Variants in LRP1B observed in about 807,000 individuals in gnomAD.
The protein encoded by LRP1B is LDL receptor related protein 1B, also known as low-density lipoprotein receptor-related protein 1B.
LRP1B carries 217 observed loss-of-function variants against 556.6 expected under a neutral mutation model. The ratio of observed to expected loss-of-function variants is 0.39; its 90% CI spans 0.35 to 0.44. The LOEUF (loss-of-function observed/expected upper bound fraction) is 0.44. Among genes scored for constraint, LRP1B ranks in the 20% least tolerant of loss-of-function variants. The pLI is 1.00. For synonymous variants in LRP1B, 2,047 were observed against 1,865.8 expected (o/e 1.10, Z -2.50); for missense variants, 5,053 against 5,620.8 (o/e 0.90, Z 3.23).
intron 3 of LRP1B, among the ~76,000 whole-genome samples, chr2:141,423,308 T>G (rs34083958): frequency 0.2 from 29,155 of 142,570 alleles, 3,916 homozygotes; most frequent in East Asian, 0.46. Context: ...TTTTTTTTTT[T>G]TTTTTTTTAA....
chr2:141,952,326 C>A (rs1410646400), intron 1 of LRP1B, among the ~76,000 whole-genome samples: 1 of 152,054 alleles, frequency 6.6e-6, no homozygotes, highest in Non-Finnish European at 1.5e-5. Context: ...GTGCATGTGT[C>A]TTTATAGCAG....
chr2:141,825,899 C>T (rs1296254931), intron 1 of LRP1B, among the ~76,000 whole-genome samples: 1 of 152,060 alleles, frequency 6.6e-6, no homozygotes, highest in Non-Finnish European at 1.5e-5. Context: ...ACATATTTTC[C>T]CACATTATAC....
intron 35 of LRP1B, among the ~76,000 whole-genome samples, chr2:140,722,034 C>G (rs186085898): frequency 2.0e-5 from 3 of 152,114 alleles, no homozygotes; most frequent in Non-Finnish European, 2.9e-5. Flanking sequence ...AGTATCTCTT[C>G]TCTTCCCCTG....
chr2:141,805,307 A>C (rs184490880), intron 2 of LRP1B: 69 of 152,256 alleles, frequency 4.5e-4, no homozygotes, highest in African/African-American at 1.6e-3. Context: ...TGTCATTCTG[A>C]ATCTGTCATA....
In LRP1B at chr2:141,876,965, C is replaced by A. The variant is rs148946271; in HGVS notation, c.83-66564G>T. ...TATGCCATTAGATATTTAAACTTTT[C>A]TTTTTGCAGTTATATGAATTACAAA... is the stretch of plus-strand genomic sequence containing the variant. On this transcript the variant is annotated intron_variant, in intron 1 of 90. Coordinates refer to ENST00000389484, the MANE Select transcript of LRP1B (RefSeq NM_018557.3). 2.3e-3 allele frequency among the ~76,000 whole-genome samples: 353 copies of A among 151,974 alleles called. 2 individuals carry two copies. Among genetic ancestry groups the A allele is most frequent in the African/African-American group, 7.8e-3 (324 of 41,486 alleles).
At position 141,276,294 on chromosome 2, in the gene LRP1B, CT is replaced by C. The variant is rs58497853; in HGVS notation, c.344-21654del. Among the ~76,000 whole-genome samples, 246 of 149,478 alleles carry C rather than the reference CT, an allele frequency of 1.6e-3. 1 individual carries two copies. The highest frequency in any genetic ancestry group is 5.4e-3 in the African/African-American group (219 of 40,738). On this transcript the variant is annotated intron_variant, in intron 3 of 90. Transcript: ENST00000389484. ...TTATTCTTTGGCTTGATAATTTTTA[CT>C]TTTTTTTTTAGCTTTTAGTTTTAGG...
At chr2:141,603,333 T>C (rs554503466) in intron 2 of LRP1B, among the ~76,000 whole-genome samples, 16 of 152,308 alleles carry the variant, frequency 1.1e-4, no homozygotes, top group African/African-American at 3.8e-4. Flanking sequence ...TGAATATGTA[T>C]GTGTGTATGC....
chr2:141,040,680 C>T (rs1477632751), intron 11 of LRP1B, among the ~76,000 whole-genome samples: 1 of 151,784 alleles, frequency 6.6e-6, no homozygotes, highest in African/African-American at 2.4e-5. Flanking sequence ...TCTAAGTAAT[C>T]GAATGATAAA....
intron 43 of LRP1B, among the ~76,000 whole-genome samples, chr2:140,563,397 T>G (rs538432255): frequency 1.4e-5 from 2 of 142,964 alleles, no homozygotes; most frequent in East Asian, 4.2e-4. Flanking sequence ...AAATGCTTTT[T>G]CTTTTACTTG....
chr2:141,090,110 T>C (rs1248658927), intron 7 of LRP1B, among the ~76,000 whole-genome samples: 3 of 152,190 alleles, frequency 2.0e-5, no homozygotes, highest in African/African-American at 7.2e-5. Context: ...ATACTTGATT[T>C]GTAATGTTGG....
chr2:141,932,679 A>T (rs184810985), intron 1 of LRP1B, among the ~76,000 whole-genome samples: 3 of 152,186 alleles, frequency 2.0e-5, no homozygotes, highest in East Asian at 3.9e-4. Context: ...TTTGATATAG[A>T]TTTTTAATTC....
chr2:141,302,717 C>A (rs991150174), intron 3 of LRP1B, among the ~76,000 whole-genome samples: 2 of 151,978 alleles, frequency 1.3e-5, no homozygotes, highest in Non-Finnish European at 2.9e-5. Context: ...TCATAAAAAA[C>A]AAATAATACA....
At chr2:142,030,184 TAA>T (rs2105193916) in intron 1 of LRP1B, among the ~76,000 whole-genome samples, 2 of 151,938 alleles carry the variant, frequency 1.3e-5, no homozygotes, top group Admixed American at 6.6e-5. Context: ...ATGGCATGCA[TAA>T]TGCAGCTCCT....
chr2:140,940,918 C>T (rs1288398036), intron 20 of LRP1B, among the ~76,000 whole-genome samples: 1 of 152,154 alleles, frequency 6.6e-6, no homozygotes, highest in Non-Finnish European at 1.5e-5. Context: ...TTCTCCATAG[C>T]CTTGCTAGCA....
In LRP1B at chr2:140,330,554, C is replaced by A. The variant is rs186562732; in HGVS notation, c.12223+3899G>T. 4.5e-4 allele frequency among the ~76,000 whole-genome samples: 69 copies of A among 152,082 alleles called. 1 individual carries two copies. The East Asian group carries it at 0.011, about 25-fold the overall frequency. Reference sequence around the variant, plus strand: ...ATTGAAACTGGACCCCTTCCTTACACCTTATACAAAAATTAACTTAATATA... The same window carrying A: ...ATTGAAACTGGACCCCTTCCTTACAACTTATACAAAAATTAACTTAATATA... On this transcript the variant is annotated intron_variant, in intron 79 of 90. Coordinates refer to ENST00000389484, the MANE Select transcript of LRP1B (RefSeq NM_018557.3).
chr2:141,991,002 C>A (rs1702328354), intron 1 of LRP1B, among the ~76,000 whole-genome samples: 1 of 151,952 alleles, frequency 6.6e-6, no homozygotes. Flanking sequence ...TAGGTCCCTA[C>A]CCGTTTTTCA....
At chr2:141,181,844 A>C (rs1299817215) in intron 7 of LRP1B, among the ~76,000 whole-genome samples, 3 of 150,746 alleles carry the variant, frequency 2.0e-5, no homozygotes. Context: ...ATTTGGAAAG[A>C]AGTTGAACCT....
chr2:142,057,281 C>A (rs760565434), intron 1 of LRP1B, among the ~76,000 whole-genome samples: 7 of 152,064 alleles, frequency 4.6e-5, no homozygotes, highest in African/African-American at 1.7e-4. Flanking sequence ...TTTCTTGTTT[C>A]ATTTATGTAA....
At chr2:141,714,727 A>C (rs1053437631) in intron 2 of LRP1B, among the ~76,000 whole-genome samples, 3 of 152,134 alleles carry the variant, frequency 2.0e-5, no homozygotes, top group African/African-American at 7.2e-5. Context: ...GAAACTTAAG[A>C]CAACTTTCAG....
Sources: allele counts gnomAD v4.1 joint callset (sites outside exome capture counted in the v4.1 genomes callset), GRCh38; gene constraint gnomAD v4.1.1; transcripts MANE v1.5; gene names NCBI Gene and HGNC (gene_info 2026-07-23, HGNC 2026-07-21).